TAF3: variants seen among roughly 807,000 people sequenced by gnomAD.
TAF3 encodes the protein transcription initiation factor TFIID subunit 3.
A neutral mutation model predicts 80.6 loss-of-function variants in TAF3; 7 were observed. The ratio of observed to expected loss-of-function variants is 0.09; its 90% CI spans 0.05 to 0.16. The LOEUF (loss-of-function observed/expected upper bound fraction) is 0.16, where lower values mean the gene tolerates loss of function less well. Among genes scored for constraint, TAF3 ranks in the 10% least tolerant of loss-of-function variants. TAF3 has a pLI of 1.00. For synonymous variants in TAF3, 444 were observed against 446.1 expected, an observed-to-expected ratio of 1.00 and a Z score of 0.06; for missense variants, 921 against 1,140.2, an observed-to-expected ratio of 0.81 and a Z score of 2.77.
At chr10:8,007,539 T>G (rs1832006042) in intron 4 of TAF3, among the ~76,000 whole-genome samples, 1 of 142,914 alleles carries the variant, frequency 7.0e-6, no homozygotes. Context: ...CTGTCTGTTA[T>G]ATTGTTTTCT....
chr10:7,853,919 A>C (rs1837052954), intron 2 of TAF3, among the ~76,000 whole-genome samples: 1 of 152,234 alleles, frequency 6.6e-6, no homozygotes, highest in Non-Finnish European at 1.5e-5. Context: ...TATCAATAAA[A>C]ACATCTGTGA....
At chr10:7,841,075 T>G (rs966649459) in intron 2 of TAF3, among the ~76,000 whole-genome samples, 7 of 152,182 alleles carry the variant, frequency 4.6e-5, no homozygotes, top group Admixed American at 4.6e-4. Context: ...GGTCTGGAAC[T>G]CCTGACCTCA....
intron 4 of TAF3, among the ~76,000 whole-genome samples, chr10:7,991,256 G>A (rs1831831059): frequency 6.6e-6 from 1 of 152,010 alleles, no homozygotes; most frequent in Admixed American, 6.5e-5. Context: ...ATGTGTGTGT[G>A]TGGTTTTGCT....
At chr10:7,838,795 C>G (rs536106057) in intron 2 of TAF3, among the ~76,000 whole-genome samples, 78 of 152,184 alleles carry the variant, frequency 5.1e-4, no homozygotes, top group African/African-American at 1.8e-3. Flanking sequence ...CTGGCTGCCT[C>G]TCTCTTGGCC....
At chr10:7,831,596 G>A (rs922508021) in intron 2 of TAF3, among the ~76,000 whole-genome samples, 43 of 152,128 alleles carry the variant, frequency 2.8e-4, no homozygotes, top group Non-Finnish European at 2.2e-4. Flanking sequence ...CTCCTGCCTC[G>A]GCCTCCCAAA....
chr10:7,920,067 G>T (rs1445464672), intron 2 of TAF3, among the ~76,000 whole-genome samples: 4 of 151,850 alleles, frequency 2.6e-5, no homozygotes, highest in Non-Finnish European at 4.4e-5. Context: ...GCAACGTAGG[G>T]AGACCCATTC....
chr10:7,851,477 G>C (rs1171428475), intron 2 of TAF3, among the ~76,000 whole-genome samples: 1 of 152,140 alleles, frequency 6.6e-6, no homozygotes, highest in African/African-American at 2.4e-5. Flanking sequence ...CTCTCAGTGA[G>C]AGGAATTGAA....
intron 2 of TAF3, among the ~76,000 whole-genome samples, chr10:7,920,355 C>A: frequency 7.2e-6 from 1 of 139,164 alleles, no homozygotes; most frequent in Non-Finnish European, 1.6e-5. Flanking sequence ...TGTGTAAATG[C>A]TTGGTTCATT....
chr10:7,842,152 TTTTTTTTTTTTG>T (rs1398559953), intron 2 of TAF3, among the ~76,000 whole-genome samples: 24 of 115,004 alleles, frequency 2.1e-4, no homozygotes, highest in East Asian at 6.6e-4. Flanking sequence ...ATTAATATTG[TTTTTTTTTTTTG>T]TTTTTTTTTT....
intron 2 of TAF3, among the ~76,000 whole-genome samples, chr10:7,895,163 A>G (rs1244613402): frequency 6.6e-6 from 1 of 152,114 alleles, no homozygotes; most frequent in African/African-American, 2.4e-5. Flanking sequence ...TTTGAAAGGT[A>G]AATCCTAAAT....
intron 2 of TAF3, among the ~76,000 whole-genome samples, chr10:7,919,416 T>C (rs140863736): frequency 2.2e-4 from 34 of 152,286 alleles, no homozygotes; most frequent in Non-Finnish European, 3.2e-4. Context: ...CTTAGGGTCA[T>C]TGTACACGTG....
chr10:7,933,689 T>G (rs1837890218), intron 2 of TAF3, among the ~76,000 whole-genome samples: 1 of 152,116 alleles, frequency 6.6e-6, no homozygotes, highest in Non-Finnish European at 1.5e-5. Context: ...CTTTCATAGG[T>G]CTCTAGTGAT....
At chr10:7,887,993 C>T (rs1487241264) in intron 2 of TAF3, among the ~76,000 whole-genome samples, 1 of 151,966 alleles carries the variant, frequency 6.6e-6, no homozygotes, top group African/African-American at 2.4e-5. Flanking sequence ...TTAAAGTGCC[C>T]CTGCCACCAC....
chr10:7,826,042 C>T (rs895867431), intron 2 of TAF3, among the ~76,000 whole-genome samples: 2 of 152,118 alleles, frequency 1.3e-5, no homozygotes, highest in African/African-American at 2.4e-5. Context: ...GAAGTGTTAC[C>T]TATTTGTCTC....
chr10:7,853,615 T>G (rs1164248346), intron 2 of TAF3, among the ~76,000 whole-genome samples: 1 of 152,250 alleles, frequency 6.6e-6, no homozygotes, highest in East Asian at 1.9e-4. Context: ...CACATACCCC[T>G]TCCTTGTTTT....
chr10:7,967,350 G>T (rs550863479), intron 3 of TAF3, among the ~76,000 whole-genome samples: 2 of 152,334 alleles, frequency 1.3e-5, no homozygotes, highest in South Asian at 4.1e-4. Flanking sequence ...CAGCCATTAT[G>T]AATTTGAGTG....
At chr10:7,977,172 G>A (rs942336569) in intron 3 of TAF3, 69 bp from the exon 4 acceptor site, 1 of 1,429,350 alleles carries the variant, frequency 7.0e-7, no homozygotes. Context: ...GAGTGGGAGA[G>A]TAGGAGAAGT....
intron 2 of TAF3, among the ~76,000 whole-genome samples, chr10:7,877,207 G>A (rs1016926096): frequency 6.6e-6 from 1 of 152,098 alleles, no homozygotes; most frequent in African/African-American, 2.4e-5. Flanking sequence ...CAGTCTCCAT[G>A]AGTCTTTAGA....
In TAF3 at chr10:8,000,861, T is replaced by A. The variant is rs184595510; in HGVS notation, c.2316-8217T>A. Among the ~76,000 whole-genome samples, 20 of 152,334 alleles carry A rather than the reference T, an allele frequency of 1.3e-4. No homozygotes were observed. The East Asian group carries it at 2.1e-3, about 16-fold the overall frequency. ...CATTTTAGTATATATTCTTTCAAACTTTTTTCTAAGTATACACTCATACCT... is the reference window on the plus strand; with the variant it reads ...CATTTTAGTATATATTCTTTCAAACATTTTTCTAAGTATACACTCATACCT... On this transcript the variant is annotated intron_variant, in intron 4 of 6. Coordinates refer to ENST00000344293, the MANE Select transcript of TAF3 (RefSeq NM_031923.4).
Sources: allele counts gnomAD v4.1 joint callset (sites outside exome capture counted in the v4.1 genomes callset), GRCh38; gene constraint gnomAD v4.1.1; transcripts MANE v1.5; gene names NCBI Gene and HGNC (gene_info 2026-07-23, HGNC 2026-07-21).